SART1: variants seen among roughly 807,000 people sequenced by gnomAD.
SART1 encodes U4/U6.U5 tri-snRNP-associated protein 1.
Under a neutral mutation model 105.0 loss-of-function variants are expected in SART1, and 28 were observed. That is an observed-to-expected ratio of 0.27 (90% CI 0.20 to 0.37). SART1 has a LOEUF of 0.37. Ranked by LOEUF, SART1 falls within the 10% of genes least tolerant of loss-of-function variation. The probability of loss-of-function intolerance (pLI) is 1.00; values close to 1 mark genes in which losing one functional copy is unlikely to be tolerated. For synonymous variants in SART1, 472 were observed against 462.9 expected (o/e 1.02, Z -0.25); for missense variants, 894 against 1,106.5 (o/e 0.81, Z 2.72).
chr11:65,975,301 C>T (rs1023201723), intron 12 of SART1, among the ~76,000 whole-genome samples: 17 of 151,832 alleles, frequency 1.1e-4, no homozygotes, highest in Admixed American at 9.2e-4. Flanking sequence ...CTGTGCTTCA[C>T]CTTATTGTCC....
chr11:65,961,750 C>CGGCAGCCGGGCTCGGA lies in SART1; in HGVS notation c.-29_-14dup, dbSNP rs1855145951. Reference sequence around the variant, plus strand: ...CCCATTTTGCGTTGTCTGGGCTCGGCGGCAGCCGGGCTCGGAGTGGACGTG... The same window carrying CGGCAGCCGGGCTCGGA: ...CCCATTTTGCGTTGTCTGGGCTCGGCGGCAGCCGGGCTCGGAGGCAGCCGGGCTCGGAGTGGACGTG... On this transcript the variant is annotated 5_prime_UTR_variant, in exon 1 of 20. Transcript: ENST00000312397. 6.8e-7 allele frequency: 1 copy of CGGCAGCCGGGCTCGGA among 1,466,672 alleles called. No individual in the cohort carries two copies. The highest frequency in any genetic ancestry group is 9.0e-7 in the Non-Finnish European group (1 of 1,114,264). 90.9% of individuals were successfully genotyped at this position (1,466,672 alleles called of 1,614,324 possible).
Position 65,978,575 on chromosome 11 carries a change from C to T in SART1, c.2173-25C>T, listed in dbSNP as rs775821517. On this transcript the variant is annotated intron_variant, in intron 17 of 19. Transcript: ENST00000312397. The surrounding 1 kb of genome is among the most constrained non-coding windows in gnomAD (Gnocchi z 6.8). The stretch of plus-strand genomic sequence containing the variant: ...TCCGGCCCCACCCAGGGCCCTGCAT[C>T]TCCTCTCATGCCCCGCGTCCCCAGG... 1.3e-5 allele frequency: 20 copies of T among 1,551,176 alleles called. No individual in the cohort carries two copies. Among genetic ancestry groups the T allele is most frequent in the Admixed American group, 5.9e-5 (3 of 51,066 alleles).
chr11:65,965,854 G>T (rs756210175), intron 6 of SART1, 33 bp from the exon 7 acceptor site: 2 of 1,613,706 alleles, frequency 1.2e-6, no homozygotes, highest in Admixed American at 3.3e-5. Context: ...GGTGCGTGGA[G>T]GGAGGTTCCT....
chr11:65,968,795 TA>T (rs1461881347), intron 12 of SART1, among the ~76,000 whole-genome samples: 1 of 151,840 alleles, frequency 6.6e-6, no homozygotes, highest in East Asian at 1.9e-4. Flanking sequence ...GATGGAGAGG[TA>T]GGGGGCCAAC....
At chr11:65,964,267 T>G in intron 2 of SART1, 136 bp downstream of exon 2, 1 of 912,584 alleles carries the variant, frequency 1.1e-6, no homozygotes, top group Non-Finnish European at 1.7e-6. Context: ...TAGCCAACAG[T>G]TGACTTATAG....
In SART1 at chr11:65,978,426, TG is replaced by T; in HGVS notation, c.2173-170del. The T allele has an allele frequency of 1.6e-6, 1 of 639,786 alleles. No homozygotes were observed. Among genetic ancestry groups the T allele is most frequent in the Non-Finnish European group, 2.8e-6 (1 of 362,798 alleles). The allele number at this position is 639,786 out of a possible 1,614,324, so 39.6% of individuals were successfully genotyped here. On this transcript the variant is annotated intron_variant, in intron 17 of 19. Transcript: ENST00000312397. The surrounding 1 kb of genome is among the most constrained non-coding windows in gnomAD (Gnocchi z 6.8). ...GCCAAGCTGGTCTCCCGGCCTCTGC[TG>T]GGGCCCTGCAGGGTGCCAGCGTCTG...
rs368042991 is a variant in SART1 at position 65,973,099 on chromosome 11, A to G, written c.1573-3296A>G. 5.9e-3 allele frequency among the ~76,000 whole-genome samples: 896 copies of G among 152,170 alleles called. 10 individuals carry two copies. Among genetic ancestry groups the G allele is most frequent in the African/African-American group, 0.018 (762 of 41,518 alleles). On this transcript the variant is annotated intron_variant, in intron 12 of 19. Transcript: ENST00000312397. ...TGAGGCAGGAGAATGGTGTGAACCC[A>G]GGAGGCGGAGCTTGCAGTGAGCCGA... is the stretch of plus-strand genomic sequence containing the variant.
At chr11:65,974,860 C>G (rs1247227835) in intron 12 of SART1, among the ~76,000 whole-genome samples, 3 of 151,554 alleles carry the variant, frequency 2.0e-5, no homozygotes, top group Non-Finnish European at 4.4e-5. Flanking sequence ...ACGGTGAAAC[C>G]CCATCTCTAC....
rs780957371 is a variant in SART1, at chr11:65,977,173, G to A, written c.1945+72G>A. 564 of 1,118,950 alleles carry A rather than the reference G, an allele frequency of 5.0e-4. 1 individual carries two copies. The highest frequency in any genetic ancestry group is 6.9e-4 in the Non-Finnish European group (515 of 749,738). The allele number at this position is 1,118,950 out of a possible 1,614,324, so 69.3% of individuals were successfully genotyped here. A position where few individuals can be genotyped will look rare whatever the true frequency, so the allele number is the denominator to read the frequency against. On this transcript the variant is annotated intron_variant, in intron 15 of 19. Transcript: ENST00000312397. ...TGCAGGTGCAGGCAGGGCCCCCTCC[G>A]GTCCCCTCTGCTGCCCCTTTCTCTC...
chr11:65,964,863 T>C (rs912805506), intron 3 of SART1, among the ~76,000 whole-genome samples: 2 of 152,190 alleles, frequency 1.3e-5, no homozygotes, highest in African/African-American at 4.8e-5. Flanking sequence ...TTTCTTGTTT[T>C]TCTTTAAAGC....
At chr11:65,972,581 C>A (rs1193163570) in intron 12 of SART1, among the ~76,000 whole-genome samples, 2 of 152,032 alleles carry the variant, frequency 1.3e-5, no homozygotes. Context: ...CAAGACCACC[C>A]CCCCTACCAA....
intron 1 of SART1, among the ~76,000 whole-genome samples, chr11:65,963,109 A>G (rs1339586253): frequency 3.3e-5 from 5 of 152,118 alleles, no homozygotes; most frequent in African/African-American, 1.2e-4. Context: ...AGCCCCTGAA[A>G]GACTGTGACA....
intron 15 of SART1, 45 bp from the exon 16 acceptor site, chr11:65,977,518 G>T: frequency 1.3e-6 from 2 of 1,550,658 alleles, no homozygotes; most frequent in Non-Finnish European, 1.8e-6. Context: ...CCCTGGAGCT[G>T]TGGCTCTCGA....
Position 65,965,125 on chromosome 11 carries a change from A to T in SART1, c.461A>T (p.Asp154Val). ...AGTKEEPVTA[D>V]VINPMALRQR... is the part of the protein sequence containing the mutation. ...ACCAAGGAGGAGCCCGTGACAGCTG[A>T]TGTCATCAACCCTATGGCCTTGCGA... The change falls in exon 4 of 20, where the codon GAT becomes GTT. Residue 154 changes from aspartate to valine, a missense_variant. Around this residue, in one of 2 missense-constraint regions of SART1, gnomAD observed 712 missense variants for 778.2 expected, o/e 0.91. Transcript: ENST00000312397. 1.3e-6 allele frequency: 2 copies of T among 1,591,944 alleles called. No individual in the cohort carries two copies. Among genetic ancestry groups the T allele is most frequent in the East Asian group, 2.2e-5 (1 of 44,722 alleles).
chr11:65,968,372 C>T (rs533986089), intron 12 of SART1, among the ~76,000 whole-genome samples: 29 of 152,262 alleles, frequency 1.9e-4, no homozygotes, highest in African/African-American at 6.7e-4. Flanking sequence ...GTGCATTGTT[C>T]TTGGGCTGAG....
chr11:65,974,504 C>T, intron 12 of SART1, among the ~76,000 whole-genome samples: 1 of 151,650 alleles, frequency 6.6e-6, no homozygotes, highest in Non-Finnish European at 1.5e-5. Flanking sequence ...CATGGTGAAA[C>T]CCTGTCTCTA....
chr11:65,966,201 G>C lies in SART1; in HGVS notation c.964G>C (p.Val322Leu). The C allele has an allele frequency of 6.2e-7, 1 of 1,614,062 alleles. No homozygotes were observed. Among genetic ancestry groups the C allele is most frequent in the Non-Finnish European group, 8.5e-7 (1 of 1,180,038 alleles). Residue 322 changes from valine to leucine, a missense_variant, in exon 8 of 20, where the codon GTG becomes CTG. Physicochemically the swap from Val to Leu is conservative, Grantham distance 32. This residue lies in a region of SART1 where 712 missense variants were observed against 778.2 expected (regional missense o/e 0.91). Coordinates refer to ENST00000312397, the MANE Select transcript of SART1 (RefSeq NM_005146.5). ...DYLPYAEDESVDDLAQQKPRS... is the reference protein window; with the variant it reads ...DYLPYAEDESLDDLAQQKPRS... ...CCTGCCCTATGCCGAGGACGAGAGCGTGGACGACCTGGCGCAGGCACGGCC... is the reference window on the plus strand; with the variant it reads ...CCTGCCCTATGCCGAGGACGAGAGCCTGGACGACCTGGCGCAGGCACGGCC...
Position 65,977,643 on chromosome 11 carries a change from G to A in SART1, c.2026G>A (p.Glu676Lys). ...KSLPSAVYCI[E>K]DKMAIDDKYS... ...GCTGCCCTCAGCCGTGTACTGCATC[G>A]AGGATAAGATGTGAGTGTGGTGGGG... Residue 676 changes from glutamate to lysine, a missense_variant, in exon 16 of 20, where the codon GAG (glutamate) becomes AAG (lysine). Transcript: ENST00000312397. 1.2e-6 allele frequency: 2 copies of A among 1,614,040 alleles called. No homozygotes were observed. Among genetic ancestry groups the A allele is most frequent in the Non-Finnish European group, 1.7e-6 (2 of 1,180,000 alleles).
At position 65,967,803 on chromosome 11, in the gene SART1, G is replaced by A. The variant is rs1469408190; in HGVS notation, c.1554G>A (p.Leu518=). The change falls in exon 12 of 20, where the codon CTG becomes CTA. Residue 518 remains leucine, a synonymous_variant. Transcript: ENST00000312397. ...GACAGTTACAGCAGCTACAGCAGCT[G>A]CGAGACAGTGGCGAGAAGGTGAGGC... ...RLRQLQQLQQ[L]RDSGEKVVEI... 26 of 1,542,766 alleles carry A rather than the reference G, an allele frequency of 1.7e-5. No homozygotes were observed. The highest frequency in any genetic ancestry group is 2.3e-5 in the Non-Finnish European group (26 of 1,143,378).
Sources: gnomAD v4.1 joint callset for allele counts (sites outside exome capture counted in the v4.1 genomes callset) on GRCh38, gnomAD v4.1.1 for gene constraint, gnomAD v4.1.1 regional missense constraint, Gnocchi (gnomAD v3.1) non-coding constraint, MANE v1.5 for transcripts, NCBI Gene and HGNC (gene_info 2026-07-23, HGNC 2026-07-21) for gene names.